PBX4: variants seen among roughly 807,000 people sequenced by gnomAD.
The protein encoded by PBX4 is pre-B-cell leukemia transcription factor 4.
Under a neutral mutation model 35.1 loss-of-function variants are expected in PBX4, and 26 were observed. The ratio of observed to expected loss-of-function variants is 0.74; its 90% CI spans 0.54 to 1.03. PBX4 has a LOEUF of 1.03. Ranked by LOEUF, PBX4 falls within the 50% of genes least tolerant of loss-of-function variation. The pLI is 0.00. For synonymous variants in PBX4, 199 were observed against 204.2 expected, an observed-to-expected ratio of 0.97 and a Z score of 0.22; for missense variants, 448 against 504.3, an observed-to-expected ratio of 0.89 and a Z score of 1.07.
intron 1 of PBX4, among the ~76,000 whole-genome samples, chr19:19,616,389 G>T (rs1490795883): frequency 6.6e-6 from 1 of 151,994 alleles, no homozygotes; most frequent in South Asian, 2.1e-4. Flanking sequence ...ATGCAGTGGC[G>T]CTTGAACCCA....
chr19:19,571,323 T>C (rs1269145690), intron 2 of PBX4, among the ~76,000 whole-genome samples: 2 of 151,488 alleles, frequency 1.3e-5, no homozygotes, highest in Non-Finnish European at 2.9e-5. Context: ...GTGTGTGTGT[T>C]GGGGTGGGGG....
At chr19:19,604,091 CATT>C (rs2061614418) in intron 1 of PBX4, among the ~76,000 whole-genome samples, 2 of 152,020 alleles carry the variant, frequency 1.3e-5, no homozygotes, top group Admixed American at 1.3e-4. Flanking sequence ...TCCAAGCGTC[CATT>C]ATTAAAAGAT....
At chr19:19,611,065 T>C (rs555711709) in intron 1 of PBX4, among the ~76,000 whole-genome samples, 1 of 152,320 alleles carries the variant, frequency 6.6e-6, no homozygotes, top group African/African-American at 2.4e-5. Context: ...TGCGGAAGGC[T>C]GAATGCTCAC....
intron 2 of PBX4, among the ~76,000 whole-genome samples, chr19:19,586,131 G>T (rs1432215071): frequency 6.6e-6 from 1 of 152,078 alleles, no homozygotes; most frequent in African/African-American, 2.4e-5. Flanking sequence ...AAATAAATAG[G>T]CTGAGCATGT....
chr19:19,614,056 C>G (rs1285769741), intron 1 of PBX4, among the ~76,000 whole-genome samples: 1 of 152,168 alleles, frequency 6.6e-6, no homozygotes, highest in Non-Finnish European at 1.5e-5. Context: ...AATAAAAACA[C>G]TGGTTCACGT....
In PBX4 at chr19:19,590,165, C is replaced by T. The variant is rs1253543147; in HGVS notation, c.193+9127G>A. On this transcript the variant is annotated intron_variant, in intron 2 of 7. Transcript: ENST00000251203. Reference sequence around the variant, plus strand: ...ATTTCCAAGGTTGTGCGACCACCACCACTAGCTAACATTCTCATCCTCCCT... The same window carrying T: ...ATTTCCAAGGTTGTGCGACCACCACTACTAGCTAACATTCTCATCCTCCCT... 2.6e-5 allele frequency among the ~76,000 whole-genome samples: 4 copies of T among 152,160 alleles called. No homozygotes were observed. The South Asian group carries it at 8.3e-4, about 31-fold the overall frequency.
chr19:19,588,170 T>A, intron 2 of PBX4: 1 of 1,229,590 alleles, frequency 8.1e-7, no homozygotes, highest in Non-Finnish European at 1.2e-6. Context: ...CAGGCAGCCA[T>A]CCCTATTCTT....
chr19:19,610,683 A>G lies in PBX4; in HGVS notation c.119+7828T>C, dbSNP rs1190841311. Reference sequence around the variant, plus strand: ...GGCATGAGAATCACTTGAACTTGGGAGGTGGAGGTTGCAGTGAGCCGAGAT... The same window carrying G: ...GGCATGAGAATCACTTGAACTTGGGGGGTGGAGGTTGCAGTGAGCCGAGAT... On this transcript the variant is annotated intron_variant, in intron 1 of 7. Transcript: ENST00000251203. 2.6e-5 allele frequency among the ~76,000 whole-genome samples: 4 copies of G among 151,962 alleles called. No homozygotes were observed. In the East Asian group the frequency reaches 5.8e-4, roughly 22 times the overall value.
rs564182415 is a variant in PBX4 at position 19,601,901 on chromosome 19, G to GATC, written c.120-2537_120-2536insGAT. On this transcript the variant is annotated intron_variant, in intron 1 of 7. Transcript: ENST00000251203. ...TGCCTGTAATTCTAGCATTTTGGGA[G>GATC]GCCGAGGCAGGCAGATCGCTGGAGC... 7.7e-4 allele frequency among the ~76,000 whole-genome samples: 118 copies of GATC among 152,286 alleles called. No individual in the cohort carries two copies. In the South Asian group the frequency reaches 0.017, roughly 21 times the overall value.
chr19:19,581,452 A>T (rs1016831885), intron 2 of PBX4, among the ~76,000 whole-genome samples: 1 of 152,034 alleles, frequency 6.6e-6, no homozygotes, highest in African/African-American at 2.4e-5. Flanking sequence ...GAGTAAACCT[A>T]TTTCCTCGCA....
intron 2 of PBX4, chr19:19,579,835 A>G (rs1389382662): frequency 6.6e-6 from 1 of 152,208 alleles, no homozygotes; most frequent in African/African-American, 2.4e-5. Flanking sequence ...CACTCACCTC[A>G]CGCTCTCCCT....
rs572200618 is a variant in PBX4, at chr19:19,564,745, C to G, written c.925+188G>C. The G allele has an allele frequency of 2.1e-5, 15 of 703,058 alleles. No individual in the cohort carries two copies. In the African/African-American group the frequency reaches 2.3e-4, roughly 11 times the overall value. The allele number at this position is 703,058 out of a possible 1,614,324, so 43.6% of individuals were successfully genotyped here. On this transcript the variant is annotated intron_variant, in intron 6 of 7. Coordinates refer to ENST00000251203, the MANE Select transcript of PBX4 (RefSeq NM_025245.3). ...TAGTATCGCCATTCTGTCCCCAAAGCACAGGTATCTGTTGGTTGGGATCAT... is the reference window on the plus strand; with the variant it reads ...TAGTATCGCCATTCTGTCCCCAAAGGACAGGTATCTGTTGGTTGGGATCAT...
chr19:19,603,962 A>AC (rs1414370604), intron 1 of PBX4, among the ~76,000 whole-genome samples: 1 of 151,802 alleles, frequency 6.6e-6, no homozygotes. Context: ...AAAAAAAAAA[A>AC]AAAAAAAGAA....
chr19:19,572,717 G>A (rs1007319366), intron 2 of PBX4, among the ~76,000 whole-genome samples: 3 of 151,654 alleles, frequency 2.0e-5, no homozygotes, highest in African/African-American at 4.8e-5. Flanking sequence ...AGCCGGGCAT[G>A]GTGTCGAGTG....
chr19:19,605,431 T>TAATAATAATAAC (rs2061624353), intron 1 of PBX4, among the ~76,000 whole-genome samples: 1 of 138,660 alleles, frequency 7.2e-6, no homozygotes, highest in South Asian at 2.3e-4. Context: ...ATAATAATAA[T>TAATAATAATAAC]AATAATAATA....
rs2061385134 is a variant in PBX4, at chr19:19,571,828, T to A, written c.194-995A>T. Among the ~76,000 whole-genome samples, 3 of 151,346 alleles carry A rather than the reference T, an allele frequency of 2.0e-5. No homozygotes were observed. In the South Asian group the frequency reaches 6.3e-4, roughly 32 times the overall value. On this transcript the variant is annotated intron_variant, in intron 2 of 7. Coordinates refer to ENST00000251203, the MANE Select transcript of PBX4 (RefSeq NM_025245.3). ...CGGGCGGATCACTTGAGGTCAGGAG[T>A]TCGAGATCAGCCTGGCCAACATGGT... is the stretch of plus-strand genomic sequence containing the variant.
Position 19,570,763 on chromosome 19 carries a change from C to G in PBX4, c.264G>C (p.Leu88=). 1 of 1,614,136 alleles carries G rather than the reference C, an allele frequency of 6.2e-7. No individual in the cohort carries two copies. Among genetic ancestry groups the G allele is most frequent in the Non-Finnish European group, 8.5e-7 (1 of 1,180,038 alleles). ...DAQLLRLDNM[L]LAEGVCRPEK... ...CGGGCCTGCACACGCCCTCAGCCAG[C>G]AGCATGTTATCCAGCCTCAGGAGCT... Residue 88 remains leucine (L), a synonymous_variant, in exon 3 of 8, where the codon CTG becomes CTC. Transcript: ENST00000251203.
At chr19:19,600,198 C>T (rs1274150344) in intron 1 of PBX4, among the ~76,000 whole-genome samples, 1 of 151,980 alleles carries the variant, frequency 6.6e-6, no homozygotes, top group Non-Finnish European at 1.5e-5. Context: ...ACATTTCCCA[C>T]TATATGCAAA....
intron 2 of PBX4, among the ~76,000 whole-genome samples, chr19:19,579,217 C>G (rs538460637): frequency 1.3e-5 from 2 of 151,826 alleles, no homozygotes; most frequent in Admixed American, 6.6e-5. Context: ...GGCATGGTGG[C>G]GTGTGCCTGT....
Sources: allele counts gnomAD v4.1 joint callset (sites outside exome capture counted in the v4.1 genomes callset), GRCh38; gene constraint gnomAD v4.1.1; transcripts MANE v1.5; gene names NCBI Gene and HGNC (gene_info 2026-07-23, HGNC 2026-07-21).